MAMSTR: variants seen among roughly 807,000 people sequenced by gnomAD.
The protein encoded by MAMSTR is MEF2-activating motif and SAP domain-containing transcriptional regulator.
A neutral mutation model predicts 42.7 loss-of-function variants in MAMSTR; 41 were observed. The observed-to-expected ratio is 0.96, with a 90% confidence interval of 0.75 to 1.25. The LOEUF is 1.25. Ranked by LOEUF, MAMSTR falls within the 50% of genes most tolerant of loss-of-function variation. The probability of loss-of-function intolerance (pLI) is 0.00; values close to 1 mark genes in which losing one functional copy is unlikely to be tolerated. For missense variants in MAMSTR, 567 were observed against 557.6 expected (o/e 1.02, Z -0.17); for synonymous variants, 265 against 244.1 (o/e 1.09, Z -0.80).
chr19:48,711,967 A>G (rs890148298), downstream of MAMSTR, among the ~76,000 whole-genome samples: 3 of 151,424 alleles, frequency 2.0e-5, no homozygotes, highest in Non-Finnish European at 4.4e-5. Flanking sequence ...CGTGTTAGCC[A>G]GGATGGTCTC....
rs141234591 is a variant in MAMSTR, at chr19:48,713,916, C to T, written c.853G>A (p.Gly285Ser). The T allele has an allele frequency of 3.1e-6, 5 of 1,611,994 alleles. No individual in the cohort carries two copies. The highest frequency in any genetic ancestry group is 2.7e-5 in the African/African-American group (2 of 74,920). Residue 285 changes from glycine to serine, a missense_variant, in exon 8 of 10, where the codon GGC becomes AGC. By Grantham distance (56) the Gly-to-Ser change is moderately conservative (BLOSUM62 0). Transcript: ENST00000318083. The part of the protein sequence containing the change: ...APALTPSSGP[G>S]SAALTLEEEL... ...TCCTCCAGAGTCAGAGCCGCTGAGC[C>T]CGGCCCTGAGGAAGGGGTCAGGGCT...
rs763985499 is a variant in MAMSTR, at chr19:48,715,386, G to A, written c.301C>T (p.His101Tyr). ...ESKPRGNLTY[H>Y]QYMPPEPRQG... ...CTCGGCTCTGGGGGCATGTACTGGT[G>A]GTATGTCAAGTTCCCCCTGGGCTTG... Residue 101 changes from histidine to tyrosine, a missense_variant, in exon 5 of 10, where the codon CAC becomes TAC. Coordinates refer to ENST00000318083, the MANE Select transcript of MAMSTR (RefSeq NM_001130915.2). 8 of 1,526,466 alleles carry A rather than the reference G, an allele frequency of 5.2e-6. No individual in the cohort carries two copies. The highest frequency in any genetic ancestry group is 2.6e-5 in the Admixed American group (1 of 38,264). The allele number at this position is 1,526,466 out of a possible 1,614,324, so 94.6% of individuals were successfully genotyped here. A position where few individuals can be genotyped will look rare whatever the true frequency, so the allele number is the denominator to read the frequency against.
chr19:48,707,724 G>A, the MAMSTR span, among the ~76,000 whole-genome samples: 1 of 143,258 alleles, frequency 7.0e-6, no homozygotes, highest in African/African-American at 2.6e-5. Flanking sequence ...CTGGGCAAAA[G>A]AGCGAAACTC....
At position 48,719,124 on chromosome 19, in the gene MAMSTR, T is replaced by C; in HGVS notation, c.-21-72A>G. On this transcript the variant is annotated intron_variant, in intron 1 of 9. Coordinates refer to ENST00000318083, the MANE Select transcript of MAMSTR (RefSeq NM_001130915.2). This position sits in a 1 kb window ranked among gnomAD's most constrained non-coding sequence, Gnocchi z 4.4. ...AGAGTGGAGGTCAGGAGGCCGCCCC[T>C]GAGAGTGAATTCAGCAGGGAAAGGG... 1 of 1,049,928 alleles carries C rather than the reference T, an allele frequency of 9.5e-7. No homozygotes were observed. The highest frequency in any genetic ancestry group is 1.4e-6 in the Non-Finnish European group (1 of 700,072). The allele number at this position is 1,049,928 out of a possible 1,614,324, so 65.0% of individuals were successfully genotyped here.
downstream of MAMSTR, among the ~76,000 whole-genome samples, chr19:48,707,882 A>G (rs2032673494): frequency 8.9e-6 from 1 of 111,812 alleles, no homozygotes; most frequent in African/African-American, 3.7e-5. Context: ...AAAGAAAGAA[A>G]GAAAGAAAAG....
In MAMSTR at chr19:48,719,185, A is replaced by C. The variant is rs2033163185; in HGVS notation, c.-21-133T>G. On this transcript the variant is annotated intron_variant, in intron 1 of 9. Coordinates refer to ENST00000318083, the MANE Select transcript of MAMSTR (RefSeq NM_001130915.2). The surrounding 1 kb of genome is among the most constrained non-coding windows in gnomAD (Gnocchi z 4.4). ...GTGGGAATAGGAGCAGCCTTGGGCC[A>C]TAACTTCCGGATCCCAGGGGCTGTA... 1 of 641,238 alleles carries C rather than the reference A, an allele frequency of 1.6e-6. No individual in the cohort carries two copies. The highest frequency in any genetic ancestry group is 2.8e-6 in the Non-Finnish European group (1 of 362,362). 39.7% of individuals were successfully genotyped at this position (641,238 alleles called of 1,614,324 possible). A position where few individuals can be genotyped will look rare whatever the true frequency, so the allele number is the denominator to read the frequency against.
chr19:48,718,979 C>T lies in MAMSTR; in HGVS notation c.53G>A (p.Arg18Gln). 6.5e-7 allele frequency: 1 copy of T among 1,536,176 alleles called. No homozygotes were observed. Among genetic ancestry groups the T allele is most frequent in the Non-Finnish European group, 8.8e-7 (1 of 1,137,390 alleles). Residue 18 changes from arginine to glutamine, a missense_variant, in exon 2 of 10, where the codon CGA becomes CAA. Coordinates refer to ENST00000318083, the MANE Select transcript of MAMSTR (RefSeq NM_001130915.2). The part of the protein sequence containing the change: ...QRSQIIRSKF[R>Q]SVLQLRIHRR... Reference sequence around the variant, plus strand: ...TAAAGAGAGCCCTCTCTCACCAGATCGGAACTTGGAGCGAATGATTTGGGA... The same window carrying T: ...TAAAGAGAGCCCTCTCTCACCAGATTGGAACTTGGAGCGAATGATTTGGGA...
Position 48,715,397 on chromosome 19 carries a change from T to A in MAMSTR, c.290A>T (p.Asn97Ile). ...QRWRESKPRG[N>I]LTYHQYMPPE... ...GGGCATGTACTGGTGGTATGTCAAG[T>A]TCCCCCTGGGCTTGGACTCCCTCCA... Residue 97 changes from asparagine (N) to isoleucine (I), a missense_variant, in exon 5 of 10, where the codon AAC becomes ATC. Coordinates refer to ENST00000318083, the MANE Select transcript of MAMSTR (RefSeq NM_001130915.2). 6.6e-7 allele frequency: 1 copy of A among 1,520,426 alleles called. No individual in the cohort carries two copies. Among genetic ancestry groups the A allele is most frequent in the Non-Finnish European group, 8.8e-7 (1 of 1,140,662 alleles). The allele number at this position is 1,520,426 out of a possible 1,614,324, so 94.2% of individuals were successfully genotyped here. A position where few individuals can be genotyped will look rare whatever the true frequency, so the allele number is the denominator to read the frequency against.
intron 3 of MAMSTR, 125 bp downstream of exon 3, chr19:48,716,580 G>T: frequency 9.1e-7 from 1 of 1,103,156 alleles, no homozygotes; most frequent in Non-Finnish European, 1.2e-6. Context: ...TGGGATTTTG[G>T]TCTGTCCCAG....
chr19:48,717,148 C>T, intron 2 of MAMSTR: 1 of 185,056 alleles, frequency 5.4e-6, no homozygotes, highest in Non-Finnish European at 1.0e-5. Context: ...CGGGGCCTTC[C>T]CACAGTCAAC....
chr19:48,713,893 C>T lies in MAMSTR; in HGVS notation c.876G>A (p.Glu292=). The T allele has an allele frequency of 6.2e-7, 1 of 1,612,150 alleles. No homozygotes were observed. The highest frequency in any genetic ancestry group is 8.5e-7 in the Non-Finnish European group (1 of 1,178,700). The change falls in exon 8 of 10, where the codon GAG becomes GAA. Residue 292 remains glutamate, a synonymous_variant. Transcript: ENST00000318083. The part of the protein sequence containing the change: ...SGPGSAALTL[E]EELQEAIRRA... ...TCCGGATCGCTTCCTGCAGCTCCTC[C>T]TCCAGAGTCAGAGCCGCTGAGCCCG... is the stretch of plus-strand genomic sequence containing the variant.
chr19:48,716,892 C>T (rs1601255457), intron 2 of MAMSTR, 149 bp from the exon 3 acceptor site: 1 of 1,219,978 alleles, frequency 8.2e-7, no homozygotes. Context: ...GGGCGGGCAG[C>T]AGGCTCCCTT....
In MAMSTR at chr19:48,714,484, A is replaced by C; in HGVS notation, c.605T>G (p.Met202Arg). The change falls in exon 7 of 10, where the codon ATG (methionine) becomes AGG (arginine). Residue 202 changes from methionine (M) to arginine (R), a missense_variant. By Grantham distance (91) the Met-to-Arg change is moderately conservative (BLOSUM62 -1). Coordinates refer to ENST00000318083, the MANE Select transcript of MAMSTR (RefSeq NM_001130915.2). ...CTCGCGGGGCGGCGCGCCGCCGCGC[A>C]TGCGCTCCAGGAGCATAGACTTGGT... is the stretch of plus-strand genomic sequence containing the variant. Reference protein sequence around the residue: ...SGTKSMLLERMRGGAPPRERP... With the variant: ...SGTKSMLLERRRGGAPPRERP... 1 of 1,375,550 alleles carries C rather than the reference A, an allele frequency of 7.3e-7. No homozygotes were observed. Among genetic ancestry groups the C allele is most frequent in the Non-Finnish European group, 9.3e-7 (1 of 1,077,374 alleles). 85.2% of individuals were successfully genotyped at this position (1,375,550 alleles called of 1,614,324 possible).
chr19:48,711,666 G>C (rs1203057656), downstream of MAMSTR, among the ~76,000 whole-genome samples: 1 of 151,368 alleles, frequency 6.6e-6, no homozygotes, highest in Non-Finnish European at 1.5e-5. Flanking sequence ...TCCACCTCCT[G>C]GTTTCAAGTG....
downstream of MAMSTR, among the ~76,000 whole-genome samples, chr19:48,711,739 GTTT>G (rs34890088): frequency 1.3e-5 from 1 of 76,238 alleles, no homozygotes; most frequent in African/African-American, 5.5e-5. Flanking sequence ...TACCTGGCTA[GTTT>G]TTTTTTTTTT....
chr19:48,716,602 T>G, intron 3 of MAMSTR, 103 bp downstream of exon 3: 1 of 1,233,536 alleles, frequency 8.1e-7, no homozygotes, highest in Non-Finnish European at 1.0e-6. Flanking sequence ...GGATGGAGAC[T>G]GAGCTGCAGG....
intron 2 of MAMSTR, among the ~76,000 whole-genome samples, chr19:48,718,664 T>A (rs1387644425): frequency 6.6e-6 from 1 of 151,996 alleles, no homozygotes; most frequent in African/African-American, 2.4e-5. Flanking sequence ...TCCTCTGAGG[T>A]CCCTCCTCTG....
chr19:48,706,277 A>C, the MAMSTR span, among the ~76,000 whole-genome samples: 2 of 129,960 alleles, frequency 1.5e-5, no homozygotes, highest in South Asian at 2.5e-4. Context: ...ACAGAGTGAG[A>C]CTCCATCTCA....
At position 48,713,194 on chromosome 19, in the gene MAMSTR, A is replaced by G; in HGVS notation, c.*73T>C. On this transcript the variant is annotated 3_prime_UTR_variant, in exon 10 of 10. Coordinates refer to ENST00000318083, the MANE Select transcript of MAMSTR (RefSeq NM_001130915.2). Reference sequence around the variant, plus strand: ...CTGCGGTAGGAGGGGCTCTGCTGGTAGTTCCCTCTCCTCCCACAAGGAGCT... The same window carrying G: ...CTGCGGTAGGAGGGGCTCTGCTGGTGGTTCCCTCTCCTCCCACAAGGAGCT... The G allele has an allele frequency of 7.2e-7, 1 of 1,395,760 alleles. No individual in the cohort carries two copies. Among genetic ancestry groups the G allele is most frequent in the Non-Finnish European group, 9.6e-7 (1 of 1,040,556 alleles). 86.5% of individuals were successfully genotyped at this position (1,395,760 alleles called of 1,614,324 possible).
Sources: allele counts gnomAD v4.1 joint callset (sites outside exome capture counted in the v4.1 genomes callset), GRCh38; gene constraint gnomAD v4.1.1; non-coding constraint Gnocchi (gnomAD v3.1); transcripts MANE v1.5; gene names NCBI Gene and HGNC (gene_info 2026-07-23, HGNC 2026-07-21).